The following MAPDA variants were observed in gnomAD, a reference collection of about 807,000 sequenced individuals.
MAPDA encodes N6,N6-dimethyl-AMP deaminase.
At chr15:43,351,228 A>G in the MAPDA span, 4 of 548,332 alleles carry the variant, frequency 7.3e-6, no homozygotes, top group Non-Finnish European at 1.3e-5. Flanking sequence ...CGGGAGACTA[A>G]GGCAGGAGAA....
the MAPDA span, among the ~76,000 whole-genome samples, chr15:43,334,636 TATA>T: frequency 2.1e-5 from 1 of 48,638 alleles, no homozygotes; most frequent in Non-Finnish European, 3.1e-5. Context: ...AAAAAAATTA[TATA>T]TATATATATA....
the MAPDA span, chr15:43,335,294 G>C: frequency 1.0e-6 from 1 of 964,236 alleles, no homozygotes; most frequent in Non-Finnish European, 1.6e-6. Context: ...TGGCGCTTTG[G>C]GAGGCCAAGG....
chr15:43,347,177 C>A, the MAPDA span: 13 of 1,155,886 alleles, frequency 1.1e-5, no homozygotes, highest in East Asian at 2.9e-4. Context: ...TAGGAATAAA[C>A]CGGGATTGGA....
chr15:43,330,575 GA>G, the MAPDA span: 18 of 1,425,620 alleles, frequency 1.3e-5, no homozygotes, highest in Middle Eastern at 2.6e-4. Context: ...TCGGTAGGGG[GA>G]AAAAAACCAC....
the MAPDA span, chr15:43,349,012 G>C: frequency 6.2e-7 from 1 of 1,614,092 alleles, no homozygotes; most frequent in Admixed American, 1.7e-5. Flanking sequence ...CCTGGATCTG[G>C]TGGACTTTGT....
chr15:43,348,554 C>T, the MAPDA span, among the ~76,000 whole-genome samples: 108 of 152,228 alleles, frequency 7.1e-4, 1 homozygote, highest in African/African-American at 2.5e-3. Context: ...CACACATATA[C>T]ATATGGAGTT....
chr15:43,349,971 A>G, the MAPDA span, among the ~76,000 whole-genome samples: 1 of 152,204 alleles, frequency 6.6e-6, no homozygotes, highest in African/African-American at 2.4e-5. Flanking sequence ...GCCTTACTCA[A>G]GTGAGCAGAT....
chr15:43,347,061 A>G, the MAPDA span: 2 of 1,613,806 alleles, frequency 1.2e-6, no homozygotes, highest in Non-Finnish European at 1.7e-6. Flanking sequence ...AGAAGCTAAG[A>G]AAGCAGGTCT....
chr15:43,331,817 G>A, the MAPDA span: 1 of 152,192 alleles, frequency 6.6e-6, no homozygotes, highest in Non-Finnish European at 1.5e-5. Context: ...TACTTTCGAG[G>A]AGCTTAACTC....
chr15:43,341,538 A>G, the MAPDA span, among the ~76,000 whole-genome samples: 1,535 of 152,276 alleles, frequency 0.01, 10 homozygotes, highest in South Asian at 0.019. Flanking sequence ...TATCTTCTCT[A>G]TTTAAAAATG....
At chr15:43,345,102 C>T in the MAPDA span, among the ~76,000 whole-genome samples, 7 of 152,052 alleles carry the variant, frequency 4.6e-5, no homozygotes, top group Non-Finnish European at 7.4e-5. Context: ...CGCCTGTAAT[C>T]CCAGCACTTT....
At chr15:43,336,160 G>A in the MAPDA span, among the ~76,000 whole-genome samples, 5 of 152,154 alleles carry the variant, frequency 3.3e-5, no homozygotes, top group East Asian at 7.7e-4. Context: ...TCCTATCTTA[G>A]CATCCCAAGT....
At chr15:43,334,983 A>T in the MAPDA span, 1 of 851,494 alleles carries the variant, frequency 1.2e-6, no homozygotes, top group Non-Finnish European at 1.8e-6. Context: ...AGCTAATCTT[A>T]CCAAAATGTG....
chr15:43,340,533 T>G, the MAPDA span, among the ~76,000 whole-genome samples: 13 of 152,206 alleles, frequency 8.5e-5, no homozygotes, highest in Non-Finnish European at 1.3e-4. Flanking sequence ...ATGTTCATTT[T>G]GTTTGTTTTA....
the MAPDA span, chr15:43,352,980 C>G: frequency 1.3e-5 from 2 of 151,216 alleles, no homozygotes; most frequent in African/African-American, 4.9e-5. Context: ...GGCTCTCACT[C>G]TGTTCCCCAG....
chr15:43,346,985 A>T, the MAPDA span: 4 of 1,574,486 alleles, frequency 2.5e-6, no homozygotes, highest in African/African-American at 2.7e-5. Context: ...CAGAATTCTC[A>T]TGCATCCTTA....
At chr15:43,342,091 G>A in the MAPDA span, among the ~76,000 whole-genome samples, 2 of 151,916 alleles carry the variant, frequency 1.3e-5, no homozygotes, top group Admixed American at 6.6e-5. Flanking sequence ...GGCCCGCCTC[G>A]GCCTCCGAAA....
the MAPDA span, among the ~76,000 whole-genome samples, chr15:43,346,557 C>G: frequency 1.3e-5 from 2 of 152,232 alleles, no homozygotes; most frequent in Non-Finnish European, 2.9e-5. Flanking sequence ...CAGAATTGCT[C>G]CTGGTTGAAA....
the MAPDA span, chr15:43,345,739 C>G: frequency 7.7e-7 from 1 of 1,295,174 alleles, no homozygotes. Flanking sequence ...TCAGGCTATA[C>G]TTTTCCTAGT....
Sources: allele counts gnomAD v4.1 joint callset (sites outside exome capture counted in the v4.1 genomes callset), GRCh38; gene constraint gnomAD v4.1.1; transcripts MANE v1.5; gene names NCBI Gene and HGNC (gene_info 2026-07-23, HGNC 2026-07-21).